The following RIT2 variants were observed in gnomAD, a reference collection of about 807,000 sequenced individuals.
RIT2 encodes the protein GTP-binding protein Rit2.
In RIT2, 24 loss-of-function variants were observed where a neutral mutation model predicts 23.7. That is an observed-to-expected ratio of 1.01 (90% confidence interval 0.73 to 1.43). The LOEUF (loss-of-function observed/expected upper bound fraction) is 1.43. RIT2 is among the 40% of genes most tolerant of loss of function. The pLI, the probability that RIT2 is intolerant of heterozygous loss-of-function variation, is 0.00. For missense variants in RIT2, 236 were observed against 266.9 expected (o/e 0.88, Z 0.81); for synonymous variants, 107 against 91.1 (o/e 1.17, Z -0.99).
intron 3 of RIT2, among the ~76,000 whole-genome samples, chr18:42,945,192 T>C (rs1470379480): frequency 6.6e-6 from 1 of 152,150 alleles, no homozygotes; most frequent in Non-Finnish European, 1.5e-5. Context: ...ACTTTAATGC[T>C]TGTACTTTAT....
chr18:43,106,974 C>T (rs1039894747), intron 1 of RIT2, among the ~76,000 whole-genome samples: 1 of 152,112 alleles, frequency 6.6e-6, no homozygotes, highest in African/African-American at 2.4e-5. Flanking sequence ...ATGGGCTTTG[C>T]AAATAGCCAG....
chr18:42,888,521 T>G (rs550562512), intron 4 of RIT2, among the ~76,000 whole-genome samples: 200 of 143,716 alleles, frequency 1.4e-3, no homozygotes, highest in African/African-American at 5.7e-3. Flanking sequence ...CAGCATCTGT[T>G]TTTTTTTTAT....
chr18:42,835,556 T>G (rs934555614), intron 4 of RIT2, among the ~76,000 whole-genome samples: 21 of 152,138 alleles, frequency 1.4e-4, no homozygotes, highest in Non-Finnish European at 2.4e-4. Flanking sequence ...ATTTAATAGA[T>G]ATTATAGCAG....
chr18:43,031,136 C>T (rs184416702), intron 2 of RIT2, among the ~76,000 whole-genome samples: 3 of 151,882 alleles, frequency 2.0e-5, no homozygotes, highest in Non-Finnish European at 4.4e-5. Context: ...GTTGTGCTGT[C>T]TTGTCTCGGT....
At chr18:42,882,129 A>C (rs1481717333) in intron 4 of RIT2, among the ~76,000 whole-genome samples, 1 of 152,084 alleles carries the variant, frequency 6.6e-6, no homozygotes, top group Non-Finnish European at 1.5e-5. Context: ...ATTTTCTGCC[A>C]CTCAAGTTTA....
At chr18:43,021,995 T>C (rs1459144945) in intron 2 of RIT2, among the ~76,000 whole-genome samples, 1 of 152,132 alleles carries the variant, frequency 6.6e-6, no homozygotes, top group East Asian at 1.9e-4. Context: ...ATCGGAGGGA[T>C]ACCTGCATTC....
chr18:42,837,153 C>CTTTTCTTTTCTTTTTTTTTTTTTTTTTT (rs1568008832), intron 4 of RIT2, among the ~76,000 whole-genome samples: 1 of 51,682 alleles, frequency 1.9e-5, no homozygotes, highest in Non-Finnish European at 3.6e-5. Context: ...TTTTCTTTTT[C>CTTTTCTTTTCTTTTTTTTTTTTTTTTTT]TTTTTTTTTT....
chr18:42,981,362 A>G (rs1381991763), intron 2 of RIT2, among the ~76,000 whole-genome samples: 1 of 152,252 alleles, frequency 6.6e-6, no homozygotes, highest in East Asian at 1.9e-4. Context: ...GATCAAGGCA[A>G]TTGTACAAGT....
intron 1 of RIT2, among the ~76,000 whole-genome samples, chr18:43,053,204 T>C (rs904652673): frequency 6.6e-6 from 1 of 152,030 alleles, no homozygotes. Flanking sequence ...TGTTAAGTAA[T>C]TTACATACTT....
chr18:43,029,103 A>C (rs973721737), intron 2 of RIT2, among the ~76,000 whole-genome samples: 3 of 151,990 alleles, frequency 2.0e-5, no homozygotes, highest in Non-Finnish European at 4.4e-5. Context: ...AAGCTTCCCA[A>C]GTCATTCAGG....
intron 4 of RIT2, among the ~76,000 whole-genome samples, chr18:42,893,696 T>C (rs1415966206): frequency 6.6e-6 from 1 of 152,174 alleles, no homozygotes; most frequent in Non-Finnish European, 1.5e-5. Context: ...TTGAAATAGT[T>C]TTTTATATGT....
At chr18:43,033,740 G>T in intron 2 of RIT2, 71 bp downstream of exon 2, 4 of 984,626 alleles carry the variant, frequency 4.1e-6, no homozygotes, top group East Asian at 2.4e-5. Context: ...CATCAACATT[G>T]CTATTATTTT....
chr18:42,885,983 A>C (rs1233030026), intron 4 of RIT2, among the ~76,000 whole-genome samples: 1 of 152,200 alleles, frequency 6.6e-6, no homozygotes. Flanking sequence ...TCTTTTCCTT[A>C]GGAAGTGACT....
intron 4 of RIT2, among the ~76,000 whole-genome samples, chr18:42,777,011 G>A (rs1226095141): frequency 6.6e-6 from 1 of 152,052 alleles, no homozygotes; most frequent in Non-Finnish European, 1.5e-5. Context: ...AAAAGATGGA[G>A]GAAAATGGTC....
At chr18:42,951,381 C>T (rs1281411916) in intron 3 of RIT2, among the ~76,000 whole-genome samples, 1 of 151,788 alleles carries the variant, frequency 6.6e-6, no homozygotes, top group East Asian at 1.9e-4. Context: ...ACATCAAGTA[C>T]TCCTGGACAT....
intron 4 of RIT2, among the ~76,000 whole-genome samples, chr18:42,751,581 A>C (rs1449604955): frequency 1.3e-5 from 2 of 152,002 alleles, no homozygotes; most frequent in Non-Finnish European, 2.9e-5. Flanking sequence ...AAATGATATA[A>C]GTGAATATTT....
At chr18:42,866,061 T>C (rs969870121) in intron 4 of RIT2, among the ~76,000 whole-genome samples, 1 of 152,178 alleles carries the variant, frequency 6.6e-6, no homozygotes, top group Admixed American at 6.5e-5. Context: ...ATTTCTTTTG[T>C]GTAAAGCCAT....
At chr18:43,039,025 T>C (rs1293379004) in intron 1 of RIT2, among the ~76,000 whole-genome samples, 3 of 152,192 alleles carry the variant, frequency 2.0e-5, no homozygotes, top group Non-Finnish European at 4.4e-5. Context: ...TCCTACCTTT[T>C]CCTTCACTGC....
At chr18:42,898,139 C>T (rs1478545142) in intron 4 of RIT2, among the ~76,000 whole-genome samples, 1 of 152,084 alleles carries the variant, frequency 6.6e-6, no homozygotes, top group Non-Finnish European at 1.5e-5. Flanking sequence ...CAATGGCTCG[C>T]GCCTGAAATC....
Sources: gnomAD v4.1 joint callset for allele counts (sites outside exome capture counted in the v4.1 genomes callset) on GRCh38, gnomAD v4.1.1 for gene constraint, MANE v1.5 for transcripts, NCBI Gene and HGNC (gene_info 2026-07-23, HGNC 2026-07-21) for gene names.